Variants in NECAB1 observed in about 807,000 individuals in gnomAD.
NECAB1 encodes N-terminal EF-hand calcium binding protein 1, also known as N-terminal EF-hand calcium-binding protein 1.
Under a neutral mutation model 57.5 loss-of-function variants are expected in NECAB1, and 29 were observed. That is an observed-to-expected ratio of 0.50 (90% confidence interval 0.38 to 0.69). NECAB1 has a LOEUF of 0.69. NECAB1 is among the 30% of genes least tolerant of loss of function. The pLI is 0.00. For synonymous variants in NECAB1, 142 were observed against 147.7 expected, an observed-to-expected ratio of 0.96 and a Z score of 0.28; for missense variants, 372 against 413.8, an observed-to-expected ratio of 0.90 and a Z score of 0.88.
chr8:90,844,508 A>C (rs149337084), intron 3 of NECAB1, among the ~76,000 whole-genome samples: 15 of 152,292 alleles, frequency 9.8e-5, no homozygotes, highest in Middle Eastern at 3.4e-3. Context: ...GGAAGAGAGC[A>C]TTCTTTCTAT....
chr8:90,933,516 A>G (rs895983711), intron 8 of NECAB1, among the ~76,000 whole-genome samples: 5 of 152,136 alleles, frequency 3.3e-5, no homozygotes, highest in Non-Finnish European at 7.3e-5. Flanking sequence ...CATAAGTGGG[A>G]GCTAAGCTAT....
At chr8:90,812,653 TA>T (rs1301374286) in intron 2 of NECAB1, 3 of 152,166 alleles carry the variant, frequency 2.0e-5, no homozygotes, top group Non-Finnish European at 4.4e-5. Flanking sequence ...TTTATTTTTC[TA>T]CCTGATATCT....
chr8:90,949,988 C>A, intron 11 of NECAB1, 104 bp downstream of exon 11: 1 of 630,302 alleles, frequency 1.6e-6, no homozygotes, highest in South Asian at 2.5e-5. Flanking sequence ...TTTACCTTAC[C>A]TTAAAACCTG....
At chr8:90,859,414 C>A (rs1382462144) in intron 3 of NECAB1, among the ~76,000 whole-genome samples, 1 of 152,138 alleles carries the variant, frequency 6.6e-6, no homozygotes, top group Non-Finnish European at 1.5e-5. Flanking sequence ...TCAAATCCAC[C>A]TGACTAAAAT....
At chr8:90,939,592 C>T (rs1810621443) in intron 9 of NECAB1, among the ~76,000 whole-genome samples, 1 of 152,104 alleles carries the variant, frequency 6.6e-6, no homozygotes, top group Admixed American at 6.5e-5. Context: ...ATGAGCTTTC[C>T]TAATTATCTG....
intron 12 of NECAB1, among the ~76,000 whole-genome samples, chr8:90,954,375 A>G (rs2130282998): frequency 6.6e-6 from 1 of 152,248 alleles, no homozygotes; most frequent in East Asian, 1.9e-4. Flanking sequence ...GTATAAAATC[A>G]TTCAAATGAA....
intron 3 of NECAB1, among the ~76,000 whole-genome samples, chr8:90,853,282 C>G (rs1812723187): frequency 6.6e-6 from 1 of 152,248 alleles, no homozygotes; most frequent in African/African-American, 2.4e-5. Flanking sequence ...GCCTCTTTCT[C>G]TCACATGCTC....
intron 3 of NECAB1, among the ~76,000 whole-genome samples, chr8:90,826,915 C>G (rs145646588): frequency 3.9e-5 from 6 of 151,928 alleles, no homozygotes; most frequent in African/African-American, 4.8e-5. Flanking sequence ...CTCTCATATG[C>G]ATTAGTAACA....
chr8:90,927,246 T>C (rs1343522324), intron 7 of NECAB1, among the ~76,000 whole-genome samples: 4 of 140,568 alleles, frequency 2.8e-5, no homozygotes, highest in Non-Finnish European at 3.0e-5. Context: ...GCAGTGCCAG[T>C]GCTCATTTTT....
At chr8:90,930,893 G>A (rs2130193131) in intron 8 of NECAB1, among the ~76,000 whole-genome samples, 1 of 152,294 alleles carries the variant, frequency 6.6e-6, no homozygotes, top group East Asian at 1.9e-4. Context: ...TGCTAAATAA[G>A]TCCAGATTCA....
At chr8:90,911,475 ATCAAG>A (rs1179441888) in intron 5 of NECAB1, among the ~76,000 whole-genome samples, 2 of 152,158 alleles carry the variant, frequency 1.3e-5, no homozygotes, top group East Asian at 1.9e-4. Flanking sequence ...CTTGAGGCGA[ATCAAG>A]TCAAGAATGG....
intron 1 of NECAB1, among the ~76,000 whole-genome samples, chr8:90,793,566 C>A (rs1438465364): frequency 6.6e-6 from 1 of 152,086 alleles, no homozygotes; most frequent in Non-Finnish European, 1.5e-5. Context: ...CCATAAAGCA[C>A]TTGAGGAGGT....
At chr8:90,821,147 A>AC (rs1324948486) in intron 2 of NECAB1, among the ~76,000 whole-genome samples, 2 of 151,636 alleles carry the variant, frequency 1.3e-5, no homozygotes. Flanking sequence ...ACTTTTCTAG[A>AC]CCCCTGTGAT....
chr8:90,922,773 G>A lies in NECAB1; in HGVS notation c.495-2762G>A, dbSNP rs532835267. Among the ~76,000 whole-genome samples, 8 of 152,142 alleles carry A rather than the reference G, an allele frequency of 5.3e-5. No individual in the cohort carries two copies. In the East Asian group the frequency reaches 1.6e-3, roughly 30 times the overall value. Reference sequence around the variant, plus strand: ...CTCCCAAAGTGCTGGGATTATAGGCGTGAGCCACCACGCCTGGCCAAAAAC... The same window carrying A: ...CTCCCAAAGTGCTGGGATTATAGGCATGAGCCACCACGCCTGGCCAAAAAC... On this transcript the variant is annotated intron_variant, in intron 6 of 12. Transcript: ENST00000417640.
chr8:90,932,333 A>G (rs1563540065), intron 8 of NECAB1, among the ~76,000 whole-genome samples: 1 of 152,180 alleles, frequency 6.6e-6, no homozygotes, highest in Non-Finnish European at 1.5e-5. Context: ...TTGAGTACCT[A>G]CTGTGTGTCA....
At chr8:90,813,934 G>A (rs1414907250) in intron 2 of NECAB1, among the ~76,000 whole-genome samples, 1 of 152,140 alleles carries the variant, frequency 6.6e-6, no homozygotes, top group African/African-American at 2.4e-5. Context: ...TGGTACATTT[G>A]TTGTAACTGA....
intron 3 of NECAB1, among the ~76,000 whole-genome samples, chr8:90,864,198 G>A (rs1356796588): frequency 6.6e-6 from 1 of 151,764 alleles, no homozygotes; most frequent in African/African-American, 2.4e-5. Flanking sequence ...AGTCTGAGAA[G>A]CACTGCTCTG....
At chr8:90,839,058 T>C (rs1209278337) in intron 3 of NECAB1, among the ~76,000 whole-genome samples, 2 of 152,264 alleles carry the variant, frequency 1.3e-5, no homozygotes, top group Non-Finnish European at 2.9e-5. Flanking sequence ...TGATACATTT[T>C]ATCAGGCTTT....
chr8:90,888,784 C>T lies in NECAB1; in HGVS notation c.357+7654C>T, dbSNP rs188055574. 3.9e-5 allele frequency among the ~76,000 whole-genome samples: 6 copies of T among 152,288 alleles called. No individual in the cohort carries two copies. In the East Asian group the frequency reaches 1.2e-3, roughly 29 times the overall value. ...CCCTTGGCTGCAGGACAAGAGAGCT[C>T]AGGGCCACATGGTATTGTGTGACAT... On this transcript the variant is annotated intron_variant, in intron 5 of 12. Transcript: ENST00000417640.
Sources: allele counts gnomAD v4.1 joint callset (sites outside exome capture counted in the v4.1 genomes callset), GRCh38; gene constraint gnomAD v4.1.1; transcripts MANE v1.5; gene names NCBI Gene and HGNC (gene_info 2026-07-23, HGNC 2026-07-21).